COL9A3: variants seen among roughly 807,000 people sequenced by gnomAD.
COL9A3 encodes collagen type IX alpha 3 chain.
COL9A3 carries 82 observed loss-of-function variants against 110.2 expected under a neutral mutation model. The ratio of observed to expected loss-of-function variants is 0.74; its 90% CI spans 0.62 to 0.89. The LOEUF (loss-of-function observed/expected upper bound fraction) is 0.89, where lower values mean the gene tolerates loss of function less well. Among genes scored for constraint, COL9A3 ranks in the 40% least tolerant of loss-of-function variants. COL9A3 has a pLI of 0.00. For synonymous variants in COL9A3, 494 were observed against 403.8 expected (o/e 1.22, Z -2.68); for missense variants, 1,066 against 981.3 (o/e 1.09, Z -1.15).
rs45476191 is a variant in COL9A3 at position 62,824,439 on chromosome 20, C to T, written c.520-6C>T. 21,516 of 1,599,674 alleles carry T rather than the reference C, an allele frequency of 0.013. 212 individuals are homozygous for T. The highest frequency in any genetic ancestry group is 0.025 in the South Asian group (2,260 of 88,974). The stretch of plus-strand genomic sequence containing the variant: ...GGAGGGGTCTGACTGCTCTGTTTTC[C>T]GACAGTGCCCAAGTATCTGCCCGCC... On this transcript the variant is annotated splice_region_variant and splice_polypyrimidine_tract_variant and intron_variant, in intron 10 of 31. Transcript: ENST00000649368.
rs1440781500 is a variant in COL9A3 at position 62,825,039 on chromosome 20, C to CAGCTGGGGAGG, written c.630+28_630+38dup. On this transcript the variant is annotated intron_variant, in intron 12 of 31. Transcript: ENST00000649368. Reference sequence around the variant, plus strand: ...GCGAGAAGGTGAAGCTGCCGCACAGCAGCTGGGGAGGAGCTGGGGACTGGA... The same window carrying CAGCTGGGGAGG: ...GCGAGAAGGTGAAGCTGCCGCACAGCAGCTGGGGAGGAGCTGGGGAGGAGCTGGGGACTGGA... The CAGCTGGGGAGG allele has an allele frequency of 2.5e-6, 4 of 1,603,062 alleles. No individual in the cohort carries two copies. Among genetic ancestry groups the CAGCTGGGGAGG allele is most frequent in the Non-Finnish European group, 3.4e-6 (4 of 1,176,590 alleles).
rs1168882562 is a variant in COL9A3, at chr20:62,840,873, C to T, written c.*141C>T. ...CTCGGCCGCCGACTGGACGCGCGGG[C>T]CTTGCCAGCGAGCACCCTCATCGGG... On this transcript the variant is annotated 3_prime_UTR_variant, in exon 32 of 32. Coordinates refer to ENST00000649368, the MANE Select transcript of COL9A3 (RefSeq NM_001853.4). The T allele has an allele frequency of 1.5e-5, 14 of 929,176 alleles. No homozygotes were observed. The highest frequency in any genetic ancestry group is 2.2e-5 in the Non-Finnish European group (13 of 598,410). 57.6% of individuals were successfully genotyped at this position (929,176 alleles called of 1,614,324 possible).
chr20:62,828,590 G>A (rs922537646), intron 17 of COL9A3, among the ~76,000 whole-genome samples, 174 bp from the exon 18 acceptor site: 31 of 152,248 alleles, frequency 2.0e-4, no homozygotes, highest in Non-Finnish European at 1.5e-4. Flanking sequence ...TGCGGTCACC[G>A]AGGCAGCACT....
rs118107952 is a variant in COL9A3 at position 62,818,852 on chromosome 20, A to G, written c.183+299A>G. Among the ~76,000 whole-genome samples, 1,465 of 152,294 alleles carry G rather than the reference A, an allele frequency of 9.6e-3. 16 individuals are homozygous for G. Among genetic ancestry groups the G allele is most frequent in the South Asian group, 0.044 (211 of 4,826 alleles). On this transcript the variant is annotated intron_variant, in intron 3 of 31. Coordinates refer to ENST00000649368, the MANE Select transcript of COL9A3 (RefSeq NM_001853.4). ...GTCCCCCAGGCCTGAGGTCACCTGG[A>G]GCCCTCCCACCTTCTTCAGTTCCAG...
Position 62,819,265 on chromosome 20 carries a change from C to A in COL9A3, c.227C>A (p.Ala76Asp). 1 of 1,612,360 alleles carries A rather than the reference C, an allele frequency of 6.2e-7. No individual in the cohort carries two copies. Among genetic ancestry groups the A allele is most frequent in the South Asian group, 1.1e-5 (1 of 91,044 alleles). Residue 76 changes from alanine (A) to aspartate (D), a missense_variant, in exon 4 of 32, where the codon GCT becomes GAT. Ala to Asp is a moderately radical substitution (Grantham distance 126). Transcript: ENST00000649368. ...GGAAAGCCGGGGAAACCAGGAGAGG[C>A]TGGGCTGCCGGGACTGCCGGGTGTG... ...APGKPGKPGE[A>D]GLPGLPGVDG... is the part of the protein sequence containing the mutation.
chr20:62,837,838 C>T (rs1285589421), intron 30 of COL9A3, among the ~76,000 whole-genome samples: 2 of 147,872 alleles, frequency 1.4e-5, no homozygotes, highest in Non-Finnish European at 3.0e-5. Context: ...GAGGAATGGC[C>T]GGGTGCGGTG....
At chr20:62,832,770 A>T (rs2147221553) in intron 25 of COL9A3, 1 of 405,350 alleles carries the variant, frequency 2.5e-6, no homozygotes, top group Non-Finnish European at 4.6e-6. Context: ...CCCCCACCGC[A>T]GGTTCTGCTT....
At chr20:62,818,885 G>A (rs1404078203) in intron 3 of COL9A3, among the ~76,000 whole-genome samples, 1 of 152,222 alleles carries the variant, frequency 6.6e-6, no homozygotes, top group Non-Finnish European at 1.5e-5. Context: ...CAGGGGTTGA[G>A]GGTCCTGGGG....
chr20:62,827,099 C>G lies in COL9A3; in HGVS notation c.793-142C>G, dbSNP rs576045568. ...CCATCTCTGACCACTCCTGGAGGGCCCAGGCCTGGAGGGGCCCCCATCCCA... is the reference window on the plus strand; with the variant it reads ...CCATCTCTGACCACTCCTGGAGGGCGCAGGCCTGGAGGGGCCCCCATCCCA... On this transcript the variant is annotated intron_variant, in intron 15 of 31. Coordinates refer to ENST00000649368, the MANE Select transcript of COL9A3 (RefSeq NM_001853.4). The G allele has an allele frequency of 7.3e-4, 596 of 820,718 alleles. 5 individuals carry two copies. The South Asian group carries it at 8.1e-3, about 11-fold the overall frequency. 50.8% of individuals were successfully genotyped at this position (820,718 alleles called of 1,614,324 possible).
In COL9A3 at chr20:62,840,888, C is replaced by CCCT; in HGVS notation, c.*158_*160dup. 1 of 770,946 alleles carries CCCT rather than the reference C, an allele frequency of 1.3e-6. No homozygotes were observed. Among genetic ancestry groups the CCCT allele is most frequent in the Non-Finnish European group, 2.2e-6 (1 of 460,242 alleles). 47.8% of individuals were successfully genotyped at this position (770,946 alleles called of 1,614,324 possible). On this transcript the variant is annotated 3_prime_UTR_variant, in exon 32 of 32. Transcript: ENST00000649368. ...GACGCGCGGGCCTTGCCAGCGAGCA[C>CCCT]CCTCATCGGGCTGTCGCCTGACAGC...
intron 9 of COL9A3, 35 bp from the exon 10 acceptor site, chr20:62,822,556 G>T: frequency 6.2e-7 from 1 of 1,610,898 alleles, no homozygotes; most frequent in Non-Finnish European, 8.5e-7. Flanking sequence ...GGCTGGGGAG[G>T]GCGGGAGAAT....
chr20:62,829,563 G>A (rs1322503864), intron 20 of COL9A3, 64 bp downstream of exon 20: 19 of 1,611,102 alleles, frequency 1.2e-5, no homozygotes, highest in Non-Finnish European at 1.5e-5. Context: ...CAAGGGGCTG[G>A]GGGGCCAGCG....
chr20:62,833,112 C>T (rs377757054), intron 26 of COL9A3, 48 bp downstream of exon 26: 65 of 1,497,082 alleles, frequency 4.3e-5, no homozygotes, highest in South Asian at 2.1e-4. Context: ...GGAGCGAGGT[C>T]GCCACTGTGG....
Position 62,829,821 on chromosome 20 carries a change from T to C in COL9A3, c.1161+2T>C. ...GAGGCTGGCCACCGGGGCTCAGCGGTGAGTGCAGGGACATGGCCCGGGGTC... is the reference window on the plus strand; with the variant it reads ...GAGGCTGGCCACCGGGGCTCAGCGGCGAGTGCAGGGACATGGCCCGGGGTC... On this transcript the variant is annotated splice_donor_variant, in intron 22 of 31. Transcript: ENST00000649368. LOFTEE classifies it high-confidence loss of function. 6.4e-7 allele frequency: 1 copy of C among 1,567,216 alleles called. No individual in the cohort carries two copies. The highest frequency in any genetic ancestry group is 8.6e-7 in the Non-Finnish European group (1 of 1,157,274).
At chr20:62,840,484 A>C in intron 31 of COL9A3, 58 bp from the exon 32 acceptor site, 1 of 1,495,030 alleles carries the variant, frequency 6.7e-7, no homozygotes, top group Admixed American at 1.7e-5. Flanking sequence ...CTGGATGTCA[A>C]GTCCCCCTGC....
chr20:62,821,930 G>A (rs1487244950), intron 8 of COL9A3, 120 bp downstream of exon 8: 6 of 759,196 alleles, frequency 7.9e-6, no homozygotes, highest in East Asian at 2.7e-5. Context: ...CCCCACCTTG[G>A]TGGGTGTTGG....
At position 62,819,998 on chromosome 20, in the gene COL9A3, G is replaced by A. The variant is rs539166262; in HGVS notation, c.309+16G>A. On this transcript the variant is annotated intron_variant, in intron 5 of 31. Coordinates refer to ENST00000649368, the MANE Select transcript of COL9A3 (RefSeq NM_001853.4). ...TGGGGAACGGGTAAGTGCCTGCGCCGAACCCAGTGGCTTGGGTTCAGAGGT... is the reference window on the plus strand; with the variant it reads ...TGGGGAACGGGTAAGTGCCTGCGCCAAACCCAGTGGCTTGGGTTCAGAGGT... 7.1e-5 allele frequency: 114 copies of A among 1,612,184 alleles called. No individual in the cohort carries two copies. The highest frequency in any genetic ancestry group is 3.3e-4 in the Middle Eastern group (2 of 6,068).
intron 30 of COL9A3, 58 bp downstream of exon 30, chr20:62,837,323 T>C (rs1374049928): frequency 1.9e-6 from 3 of 1,555,124 alleles, no homozygotes; most frequent in Non-Finnish European, 2.6e-6. Context: ...GAGACTGACT[T>C]GTTAGTAGGC....
chr20:62,819,861 A>AT, intron 4 of COL9A3, 68 bp from the exon 5 acceptor site: 1 of 1,586,424 alleles, frequency 6.3e-7, no homozygotes, highest in South Asian at 1.1e-5. Flanking sequence ...CCGTGCTTCC[A>AT]TTTTTGCCTG....
Sources: gnomAD v4.1 joint callset for allele counts (sites outside exome capture counted in the v4.1 genomes callset) on GRCh38, gnomAD v4.1.1 for gene constraint, MANE v1.5 for transcripts, NCBI Gene and HGNC (gene_info 2026-07-23, HGNC 2026-07-21) for gene names.